PTP4A3: variants seen among roughly 807,000 people sequenced by gnomAD.
PTP4A3 encodes the protein protein tyrosine phosphatase type IVA 3.
PTP4A3 carries 9 observed loss-of-function variants against 15.2 expected under a neutral mutation model. The ratio of observed to expected loss-of-function variants is 0.59; its 90% confidence interval spans 0.36 to 1.03. PTP4A3 has a LOEUF of 1.03. Among genes scored for constraint, PTP4A3 ranks in the 50% least tolerant of loss-of-function variants. The pLI, the probability that PTP4A3 is intolerant of heterozygous loss-of-function variation, is 0.02. For missense variants in PTP4A3, 234 were observed against 252.1 expected, an observed-to-expected ratio of 0.93 and a Z score of 0.49; for synonymous variants, 95 against 102.0, an observed-to-expected ratio of 0.93 and a Z score of 0.41.
At chr8:141,418,660 G>A (rs957058005) in intron 1 of PTP4A3, among the ~76,000 whole-genome samples, 2 of 152,222 alleles carry the variant, frequency 1.3e-5, no homozygotes, top group African/African-American at 4.8e-5. Flanking sequence ...GAGGGAAAGA[G>A]GGGCCACGGC....
chr8:141,425,191 T>TGGGCCGGGGGGGGGGGG lies in PTP4A3; in HGVS notation c.198+54_198+55insCCGGGGGGGGGGGGGGG. ...AGTCACTGCTGCCACCGGGGGAGGG[T>TGGGCCGGGGGGGGGGGG]GGGGCGGGGGGCTCCGGGCCTGCGC... On this transcript the variant is annotated intron_variant, in intron 3 of 5. Transcript: ENST00000521578. The surrounding 1 kb of genome is among the most constrained non-coding windows in gnomAD (Gnocchi z 4.2). 1 of 287,822 alleles carries TGGGCCGGGGGGGGGGGG rather than the reference T, an allele frequency of 3.5e-6. No individual in the cohort carries two copies. The allele number at this position is 287,822 out of a possible 1,614,324, so 17.8% of individuals were successfully genotyped here.
intron 1 of PTP4A3, 119 bp downstream of exon 1, chr8:141,392,203 C>T (rs1277537790): frequency 6.7e-6 from 1 of 150,304 alleles, no homozygotes; most frequent in Non-Finnish European, 1.5e-5. Context: ...GGCCGCGCAG[C>T]CGGGAGGGCC....
At chr8:141,429,540 G>A (rs1455673335) in intron 5 of PTP4A3, among the ~76,000 whole-genome samples, 4 of 151,954 alleles carry the variant, frequency 2.6e-5, no homozygotes, top group African/African-American at 4.8e-5. Context: ...ACCAGGTGGC[G>A]GGAGCAGGGT....
At chr8:141,413,303 A>C (rs1339909988) in intron 1 of PTP4A3, among the ~76,000 whole-genome samples, 1 of 152,180 alleles carries the variant, frequency 6.6e-6, no homozygotes, top group Admixed American at 6.5e-5. Flanking sequence ...ATGAAACTCC[A>C]TGCCCTCCGG....
chr8:141,409,770 C>T (rs1481856300), intron 1 of PTP4A3, among the ~76,000 whole-genome samples: 11 of 152,220 alleles, frequency 7.2e-5, no homozygotes, highest in Admixed American at 6.5e-4. Flanking sequence ...GTGCAGGCTG[C>T]CCAGCGTGCC....
chr8:141,393,572 C>T (rs866954087), intron 1 of PTP4A3, among the ~76,000 whole-genome samples: 6 of 152,218 alleles, frequency 3.9e-5, no homozygotes, highest in Admixed American at 6.5e-5. Flanking sequence ...GACAGGCCCC[C>T]GCAGGCAGTC....
At chr8:141,418,071 C>G (rs899635219) in intron 1 of PTP4A3, among the ~76,000 whole-genome samples, 10 of 152,010 alleles carry the variant, frequency 6.6e-5, no homozygotes, top group African/African-American at 2.4e-4. Context: ...GGACCCCAGC[C>G]CCGCCGGGGA....
intron 5 of PTP4A3, among the ~76,000 whole-genome samples, chr8:141,428,969 C>T (rs1250143949): frequency 3.3e-5 from 5 of 152,258 alleles, no homozygotes; most frequent in African/African-American, 1.2e-4. Context: ...CTCTCCCCAC[C>T]CCACGTCTCA....
rs1215918934 is a variant in PTP4A3 at position 141,421,815 on chromosome 8, C to G, written c.-426C>G. 5.6e-6 allele frequency: 1 copy of G among 178,516 alleles called. No individual in the cohort carries two copies. Among genetic ancestry groups the G allele is most frequent in the Non-Finnish European group, 1.2e-5 (1 of 85,910 alleles). The allele number at this position is 178,516 out of a possible 1,614,324, so 11.1% of individuals were successfully genotyped here. A position where few individuals can be genotyped will look rare whatever the true frequency, so the allele number is the denominator to read the frequency against. On this transcript the variant is annotated 5_prime_UTR_variant, in exon 2 of 6. Coordinates refer to ENST00000521578, the MANE Select transcript of PTP4A3 (RefSeq NM_032611.3). ...GGCGCCCCCGGTGTGGGGTCCAGCTCTGGACACTGCTTGGCGGCCGGGTTC... is the reference window on the plus strand; with the variant it reads ...GGCGCCCCCGGTGTGGGGTCCAGCTGTGGACACTGCTTGGCGGCCGGGTTC...
chr8:141,430,841 C>A (rs1288729078), intron 5 of PTP4A3, 86 bp from the exon 6 acceptor site: 3 of 1,318,238 alleles, frequency 2.3e-6, no homozygotes, highest in Non-Finnish European at 3.3e-6. Flanking sequence ...CAGCCCACTG[C>A]ACTCTCAGAT....
chr8:141,408,096 C>T (rs542449387), intron 1 of PTP4A3, among the ~76,000 whole-genome samples: 5 of 152,206 alleles, frequency 3.3e-5, no homozygotes, highest in Admixed American at 6.5e-5. Flanking sequence ...CCAGGAGAAG[C>T]GAAAGGAACC....
intron 4 of PTP4A3, among the ~76,000 whole-genome samples, chr8:141,427,353 C>G (rs1025857188): frequency 6.6e-6 from 1 of 152,220 alleles, no homozygotes; most frequent in African/African-American, 2.4e-5. Context: ...AAGATCCCCC[C>G]ACACACAGCT....
In PTP4A3 at chr8:141,425,998, T is replaced by G. The variant is rs1278793805; in HGVS notation, c.198+858T>G. Among the ~76,000 whole-genome samples, 1 of 152,178 alleles carries G rather than the reference T, an allele frequency of 6.6e-6. No individual in the cohort carries two copies. The highest frequency in any genetic ancestry group is 1.5e-5 in the Non-Finnish European group (1 of 68,014). On this transcript the variant is annotated intron_variant, in intron 3 of 5. Transcript: ENST00000521578. The surrounding 1 kb of genome is among the most constrained non-coding windows in gnomAD (Gnocchi z 4.2). Reference sequence around the variant, plus strand: ...ATGGGAGGCAAAGGCATGTCCCCGCTTCTCGCACGGGGTGCGCCCACACCC... The same window carrying G: ...ATGGGAGGCAAAGGCATGTCCCCGCGTCTCGCACGGGGTGCGCCCACACCC...
chr8:141,405,403 C>A (rs1419348733), intron 1 of PTP4A3, among the ~76,000 whole-genome samples: 1 of 152,314 alleles, frequency 6.6e-6, no homozygotes. Flanking sequence ...GAGGTCGGAG[C>A]CAGTTTTCCC....
At position 141,421,844 on chromosome 8, in the gene PTP4A3, T is replaced by G; in HGVS notation, c.-397T>G. ...ACACTGCTTGGCGGCCGGGTTCACT[T>G]TGAGTTTTTAAGTTTTCTTTGCTGA... On this transcript the variant is annotated 5_prime_UTR_variant, in exon 2 of 6. Coordinates refer to ENST00000521578, the MANE Select transcript of PTP4A3 (RefSeq NM_032611.3). 1.6e-5 allele frequency: 3 copies of G among 183,676 alleles called. No individual in the cohort carries two copies. Among genetic ancestry groups the G allele is most frequent in the Non-Finnish European group, 3.4e-5 (3 of 89,068 alleles). 11.4% of individuals were successfully genotyped at this position (183,676 alleles called of 1,614,324 possible).
intron 1 of PTP4A3, among the ~76,000 whole-genome samples, chr8:141,415,060 T>G (rs73370152): frequency 0.082 from 12,527 of 152,052 alleles, 1,672 homozygotes; most frequent in African/African-American, 0.28. Flanking sequence ...CTCCCCTGTC[T>G]CCCTGCACTT....
At chr8:141,395,208 T>G (rs9771599) in intron 1 of PTP4A3, among the ~76,000 whole-genome samples, 63,113 of 149,814 alleles carry the variant, frequency 0.42, 15,237 homozygotes, top group African/African-American at 0.7. Context: ...TGGCAGAGAG[T>G]GTGCGCGTGT....
intron 1 of PTP4A3, among the ~76,000 whole-genome samples, chr8:141,419,320 T>G (rs1833211331): frequency 6.6e-6 from 1 of 152,152 alleles, no homozygotes; most frequent in African/African-American, 2.4e-5. Context: ...CCCAATACTG[T>G]GGTTTCTCTG....
At chr8:141,423,774 C>A (rs557201003) in intron 2 of PTP4A3, among the ~76,000 whole-genome samples, 2 of 150,246 alleles carry the variant, frequency 1.3e-5, no homozygotes, top group Non-Finnish European at 3.0e-5. Context: ...AGGATTGAGG[C>A]TTAGTAGGTG....
Sources: allele counts gnomAD v4.1 joint callset (sites outside exome capture counted in the v4.1 genomes callset), GRCh38; gene constraint gnomAD v4.1.1; non-coding constraint Gnocchi (gnomAD v3.1); transcripts MANE v1.5; gene names NCBI Gene and HGNC (gene_info 2026-07-23, HGNC 2026-07-21).